Variants in CPXM2 observed in about 807,000 individuals in gnomAD.
CPXM2 encodes the protein inactive carboxypeptidase-like protein X2.
In CPXM2, 66 loss-of-function variants were observed where a neutral mutation model predicts 86.1. The ratio of observed to expected loss-of-function variants is 0.77; its 90% CI spans 0.63 to 0.94. CPXM2 has a LOEUF of 0.94. CPXM2 is among the 40% of genes least tolerant of loss of function. The probability of loss-of-function intolerance (pLI) is 0.00; values close to 1 mark genes in which losing one functional copy is unlikely to be tolerated. For synonymous variants in CPXM2, 388 were observed against 400.2 expected, an observed-to-expected ratio of 0.97 and a Z score of 0.36; for missense variants, 948 against 1,026.3, an observed-to-expected ratio of 0.92 and a Z score of 1.04.
Position 123,935,449 on chromosome 10 carries a change from A to G in CPXM2, n.174+4028T>C, listed in dbSNP as rs565300733. Among the ~76,000 whole-genome samples the G allele has an allele frequency of 5.5e-4, 84 of 152,242 alleles. 2 individuals carry two copies. The South Asian group carries it at 0.017, about 31-fold the overall frequency. ...TCCAGCTTAGCATCTGTCTCATGAA[A>G]CCATACCTTGGATGATGTGAAACTG... On this transcript the variant is annotated intron_variant and non_coding_transcript_variant, in intron 2 of 19. Transcript: ENST00000368854.
chr10:123,925,946 T>A (rs1564824072), intron 2 of CPXM2, among the ~76,000 whole-genome samples: 1 of 152,232 alleles, frequency 6.6e-6, no homozygotes, highest in Non-Finnish European at 1.5e-5. Flanking sequence ...CTATTTTCAC[T>A]GATTTCCAGT....
At chr10:123,908,254 G>A (rs146871846) in intron 2 of CPXM2, among the ~76,000 whole-genome samples, 205 of 151,762 alleles carry the variant, frequency 1.4e-3, no homozygotes, top group Middle Eastern at 3.4e-3. Flanking sequence ...AAAGGATGGG[G>A]TGGGGGCTTG....
chr10:123,916,671 CA>C (rs1191724454), intron 2 of CPXM2, among the ~76,000 whole-genome samples: 1 of 152,184 alleles, frequency 6.6e-6, no homozygotes, highest in Non-Finnish European at 1.5e-5. Flanking sequence ...TGGCAAACAT[CA>C]GGCATCAAAT....
At chr10:123,840,323 C>T (rs930090056) in intron 4 of CPXM2, among the ~76,000 whole-genome samples, 7 of 152,254 alleles carry the variant, frequency 4.6e-5, no homozygotes, top group South Asian at 2.1e-4. Context: ...CATGTACATA[C>T]ACAAAAGTGA....
At chr10:123,861,082 C>A (rs970729432) in intron 3 of CPXM2, among the ~76,000 whole-genome samples, 1 of 152,114 alleles carries the variant, frequency 6.6e-6, no homozygotes, top group South Asian at 2.1e-4. Context: ...TGGGAAGGAA[C>A]CTTATCTGTT....
At chr10:123,807,362 T>C (rs1000768056) in intron 4 of CPXM2, among the ~76,000 whole-genome samples, 4 of 152,178 alleles carry the variant, frequency 2.6e-5, no homozygotes, top group Non-Finnish European at 4.4e-5. Context: ...TCCAGGGTGA[T>C]AGAAGAGATA....
At chr10:123,795,110 G>C (rs184251757) in intron 6 of CPXM2, among the ~76,000 whole-genome samples, 1 of 152,222 alleles carries the variant, frequency 6.6e-6, no homozygotes, top group Non-Finnish European at 1.5e-5. Flanking sequence ...TAACATAAAG[G>C]TTACCACTTG....
intron 4 of CPXM2, 40 bp downstream of exon 4, chr10:123,842,309 C>T (rs371906072): frequency 6.2e-7 from 1 of 1,611,684 alleles, no homozygotes; most frequent in Non-Finnish European, 8.5e-7. Flanking sequence ...AAGCTAGACC[C>T]AAAACAGGGT....
At chr10:123,757,965 G>A (rs11248272) in intron 11 of CPXM2, among the ~76,000 whole-genome samples, 5,663 of 152,204 alleles carry the variant, frequency 0.037, 149 homozygotes, top group Non-Finnish European at 0.054. Flanking sequence ...ATAGTACCCA[G>A]GACCTTGTAT....
At chr10:123,819,588 T>C (rs1847884133) in intron 4 of CPXM2, among the ~76,000 whole-genome samples, 2 of 152,254 alleles carry the variant, frequency 1.3e-5, no homozygotes, top group Non-Finnish European at 2.9e-5. Flanking sequence ...CTTTATGATA[T>C]GACATGAGAT....
intron 3 of CPXM2, among the ~76,000 whole-genome samples, chr10:123,853,724 G>T (rs1848648630): frequency 6.6e-6 from 1 of 152,182 alleles, no homozygotes; most frequent in South Asian, 2.1e-4. Flanking sequence ...GGCCAACATG[G>T]TGAAACCCTG....
intron 3 of CPXM2, among the ~76,000 whole-genome samples, chr10:123,845,392 G>A (rs1005332871): frequency 6.6e-6 from 1 of 151,878 alleles, no homozygotes; most frequent in Non-Finnish European, 1.5e-5. Context: ...AATATTTCTA[G>A]AAAGGTCTTG....
chr10:123,859,532 C>T (rs900086110), intron 3 of CPXM2, among the ~76,000 whole-genome samples: 1 of 152,220 alleles, frequency 6.6e-6, no homozygotes, highest in African/African-American at 2.4e-5. Flanking sequence ...ACGACACTGT[C>T]CTGTCTGGGG....
At chr10:123,841,418 A>T (rs1469620254) in intron 4 of CPXM2, among the ~76,000 whole-genome samples, 1 of 152,242 alleles carries the variant, frequency 6.6e-6, no homozygotes, top group East Asian at 1.9e-4. Context: ...GTTTTGTGGT[A>T]TTAAGTTCAT....
chr10:123,835,261 G>A (rs1364213339), intron 4 of CPXM2, among the ~76,000 whole-genome samples: 1 of 152,008 alleles, frequency 6.6e-6, no homozygotes, highest in Non-Finnish European at 1.5e-5. Flanking sequence ...GTCACACCTG[G>A]GGAACAAGGA....
chr10:123,862,646 G>A lies in CPXM2; in HGVS notation c.481C>T (p.Leu161=). ...LHASTVKRYG[L]GAHRGRLNIQ... ...TTGAGTCTCCCTCGATGTGCCCCCAGGCCATAGCGCTTCACCGTGGAGGCA... is the reference window on the plus strand; with the variant it reads ...TTGAGTCTCCCTCGATGTGCCCCCAAGCCATAGCGCTTCACCGTGGAGGCA... Residue 161 remains leucine, a synonymous_variant, in exon 3 of 14, where the codon CTG becomes TTG. Transcript: ENST00000241305. The A allele has an allele frequency of 1.2e-6, 2 of 1,614,154 alleles. No individual in the cohort carries two copies. Among genetic ancestry groups the A allele is most frequent in the Non-Finnish European group, 1.7e-6 (2 of 1,180,032 alleles).
chr10:123,814,165 A>T (rs10794570), intron 4 of CPXM2, among the ~76,000 whole-genome samples: 51,024 of 152,036 alleles, frequency 0.34, 8,932 homozygotes, highest in East Asian at 0.49. Flanking sequence ...AAAGTATTGA[A>T]CCTGGGCATG....
intron 2 of CPXM2, chr10:123,913,583 A>T (rs909373700): frequency 6.0e-6 from 1 of 166,412 alleles, no homozygotes; most frequent in Admixed American, 5.7e-5. Context: ...ATAAAATTTA[A>T]ATAAGTTTTA....
In CPXM2 at chr10:123,891,250, G is replaced by T; in HGVS notation, c.304+106C>A. The T allele has an allele frequency of 2.1e-6, 2 of 971,576 alleles. No individual in the cohort carries two copies. Among genetic ancestry groups the T allele is most frequent in the Non-Finnish European group, 2.9e-6 (2 of 681,282 alleles). The allele number at this position is 971,576 out of a possible 1,614,324, so 60.2% of individuals were successfully genotyped here. A position where few individuals can be genotyped will look rare whatever the true frequency, so the allele number is the denominator to read the frequency against. On this transcript the variant is annotated intron_variant, in intron 1 of 13. Transcript: ENST00000241305. This position sits in a 1 kb window ranked among gnomAD's most constrained non-coding sequence, Gnocchi z 5.6. ...CAGAGGCGGCAACAGGGAGATTCCC[G>T]GGACTGGCCCATCCCAGACACACAC...
Sources: gnomAD v4.1 joint callset for allele counts (sites outside exome capture counted in the v4.1 genomes callset) on GRCh38, gnomAD v4.1.1 for gene constraint, Gnocchi (gnomAD v3.1) non-coding constraint, MANE v1.5 for transcripts, NCBI Gene and HGNC (gene_info 2026-07-23, HGNC 2026-07-21) for gene names.